Variants in ASAP1 observed in about 807,000 individuals in gnomAD.
The protein encoded by ASAP1 is ArfGAP with SH3 domain, ankyrin repeat and PH domain 1.
A neutral mutation model predicts 145.2 loss-of-function variants in ASAP1; 43 were observed. The ratio of observed to expected loss-of-function variants is 0.30; its 90% CI spans 0.23 to 0.38. ASAP1 has a LOEUF of 0.38. ASAP1 is among the 10% of genes least tolerant of loss of function. The probability of loss-of-function intolerance (pLI) is 1.00; values close to 1 mark genes in which losing one functional copy is unlikely to be tolerated. For synonymous variants in ASAP1, 546 were observed against 515.5 expected (o/e 1.06, Z -0.80); for missense variants, 1,018 against 1,355.3 (o/e 0.75, Z 3.91).
intron 5 of ASAP1, among the ~76,000 whole-genome samples, chr8:130,195,874 C>T (rs1815451147): frequency 2.0e-5 from 3 of 152,222 alleles, no homozygotes; most frequent in Non-Finnish European, 4.4e-5. Flanking sequence ...TATATATAAA[C>T]ATACATCTTC....
chr8:130,401,401 A>AG (rs1782836040), intron 2 of ASAP1, among the ~76,000 whole-genome samples: 1 of 151,946 alleles, frequency 6.6e-6, no homozygotes, highest in African/African-American at 2.4e-5. Flanking sequence ...ACATGCTACC[A>AG]CACCCAGCTA....
intron 3 of ASAP1, among the ~76,000 whole-genome samples, chr8:130,277,338 A>G (rs1312466283): frequency 1.3e-5 from 2 of 152,228 alleles, no homozygotes; most frequent in South Asian, 4.1e-4. Flanking sequence ...GGAGAAAAAC[A>G]CCAATAACTA....
chr8:130,215,975 A>AAAAGGAAAGGAAAGGAAAGGAAAGG (rs201649133), intron 4 of ASAP1, among the ~76,000 whole-genome samples: 28 of 128,300 alleles, frequency 2.2e-4, no homozygotes, highest in Admixed American at 5.4e-4. Context: ...AAGAAAAAGA[A>AAAAGGAAAGGAAAGGAAAGGAAAGG]AAAGGAAAGG....
chr8:130,282,572 C>T (rs1021762072), intron 3 of ASAP1, among the ~76,000 whole-genome samples: 1 of 152,172 alleles, frequency 6.6e-6, no homozygotes, highest in Non-Finnish European at 1.5e-5. Context: ...ATAAGATCCC[C>T]TTTTGGCAAA....
In ASAP1 at chr8:130,134,285, A is replaced by C; in HGVS notation, c.1217+11T>G. The C allele has an allele frequency of 6.4e-7, 1 of 1,570,748 alleles. No homozygotes were observed. Among genetic ancestry groups the C allele is most frequent in the Non-Finnish European group, 8.6e-7 (1 of 1,156,592 alleles). On this transcript the variant is annotated intron_variant, in intron 15 of 29. Coordinates refer to ENST00000518721, the MANE Select transcript of ASAP1 (RefSeq NM_018482.4). The stretch of plus-strand genomic sequence containing the variant: ...TCCAAGGCATCGCACCTTTATTTCA[A>C]AACTACTTACGCTACATAATCCTGC...
At chr8:130,229,187 T>C (rs1033460334) in intron 4 of ASAP1, among the ~76,000 whole-genome samples, 4 of 152,210 alleles carry the variant, frequency 2.6e-5, no homozygotes, top group African/African-American at 7.2e-5. Flanking sequence ...AATCAGTAAA[T>C]AGTTATTCTT....
chr8:130,436,960 C>G (rs1366173026), intron 1 of ASAP1, among the ~76,000 whole-genome samples: 1 of 151,884 alleles, frequency 6.6e-6, no homozygotes, highest in Non-Finnish European at 1.5e-5. Flanking sequence ...CAAAAATTAG[C>G]CAGGCGTGGT....
At chr8:130,108,104 C>G (rs938774482) in intron 24 of ASAP1, among the ~76,000 whole-genome samples, 6 of 152,226 alleles carry the variant, frequency 3.9e-5, no homozygotes, top group Non-Finnish European at 7.3e-5. Flanking sequence ...CCTTCAACAA[C>G]AAGCATCTAT....
At chr8:130,140,818 C>T (rs1377444599) in intron 13 of ASAP1, among the ~76,000 whole-genome samples, 8 of 152,164 alleles carry the variant, frequency 5.3e-5, no homozygotes, top group East Asian at 1.9e-4. Context: ...GAGCCAAGTA[C>T]GCATAAGTTT....
At chr8:130,372,959 TAC>T (rs35597833) in intron 2 of ASAP1, among the ~76,000 whole-genome samples, 15 of 144,096 alleles carry the variant, frequency 1.0e-4, no homozygotes, top group Admixed American at 2.8e-4. Flanking sequence ...CACAGGCATA[TAC>T]ACACACAGAC....
intron 5 of ASAP1, among the ~76,000 whole-genome samples, chr8:130,205,204 ACT>A (rs773114799): frequency 5.3e-5 from 8 of 151,816 alleles, no homozygotes; most frequent in Non-Finnish European, 7.4e-5. Flanking sequence ...TAGAACCAAA[ACT>A]CTATACCAAA....
intron 1 of ASAP1, among the ~76,000 whole-genome samples, chr8:130,410,015 C>T (rs1586994333): frequency 2.0e-5 from 3 of 152,212 alleles, no homozygotes; most frequent in Admixed American, 2.0e-4. Flanking sequence ...TGGGTGTGAA[C>T]ACAATGTCAT....
intron 17 of ASAP1, among the ~76,000 whole-genome samples, chr8:130,125,012 G>T (rs1443272068): frequency 6.6e-6 from 1 of 152,174 alleles, no homozygotes; most frequent in Non-Finnish European, 1.5e-5. Context: ...GACAGATCAC[G>T]ATTGCTTAGT....
At chr8:130,299,302 T>C (rs1358010961) in intron 3 of ASAP1, among the ~76,000 whole-genome samples, 2 of 152,228 alleles carry the variant, frequency 1.3e-5, no homozygotes, top group Non-Finnish European at 1.5e-5. Context: ...CAGTTACTTA[T>C]GTTTCTAATG....
At chr8:130,322,545 C>G (rs1422298979) in intron 3 of ASAP1, among the ~76,000 whole-genome samples, 1 of 152,150 alleles carries the variant, frequency 6.6e-6, no homozygotes, top group African/African-American at 2.4e-5. Flanking sequence ...AAATACAGAA[C>G]TGGGGACTAG....
intron 3 of ASAP1, among the ~76,000 whole-genome samples, chr8:130,336,583 T>G (rs1282728043): frequency 6.6e-6 from 1 of 152,152 alleles, no homozygotes; most frequent in Admixed American, 6.5e-5. Flanking sequence ...GTAAAAGAAA[T>G]AAAGACTAAG....
chr8:130,163,130 C>T, intron 11 of ASAP1: 1 of 161,620 alleles, frequency 6.2e-6, no homozygotes, highest in Non-Finnish European at 1.4e-5. Context: ...CCACATGTGG[C>T]AGGAAAACAA....
intron 25 of ASAP1, among the ~76,000 whole-genome samples, chr8:130,085,584 A>G (rs570146328): frequency 6.6e-6 from 1 of 152,144 alleles, no homozygotes; most frequent in East Asian, 1.9e-4. Flanking sequence ...AAATTAAAAA[A>G]TCAGCTGGGT....
intron 18 of ASAP1, among the ~76,000 whole-genome samples, chr8:130,120,217 G>A (rs569982540): frequency 6.6e-6 from 1 of 152,344 alleles, no homozygotes; most frequent in East Asian, 1.9e-4. Flanking sequence ...TGAATTAGAG[G>A]ACTTCCAGTA....
Sources: gnomAD v4.1 joint callset for allele counts (sites outside exome capture counted in the v4.1 genomes callset) on GRCh38, gnomAD v4.1.1 for gene constraint, MANE v1.5 for transcripts, NCBI Gene and HGNC (gene_info 2026-07-23, HGNC 2026-07-21) for gene names.